Variants in DLGAP1 observed in about 807,000 individuals in gnomAD.
The protein encoded by DLGAP1 is DLG associated protein 1.
A neutral mutation model predicts 90.8 loss-of-function variants in DLGAP1; 11 were observed. The ratio of observed to expected loss-of-function variants is 0.12; its 90% CI spans 0.08 to 0.20. The LOEUF is 0.20. DLGAP1 is among the 10% of genes least tolerant of loss of function. The pLI, the probability that DLGAP1 is intolerant of heterozygous loss-of-function variation, is 1.00. For synonymous variants in DLGAP1, 558 were observed against 540.7 expected, an observed-to-expected ratio of 1.03 and a Z score of -0.44; for missense variants, 1,050 against 1,333.8, an observed-to-expected ratio of 0.79 and a Z score of 3.31.
intron 7 of DLGAP1, among the ~76,000 whole-genome samples, chr18:3,628,376 G>A (rs1391242879): frequency 6.6e-6 from 1 of 150,966 alleles, no homozygotes; most frequent in Non-Finnish European, 1.5e-5. Flanking sequence ...TTTCAGTAGA[G>A]ACGAGGTTTG....
At chr18:4,058,687 A>C (rs1301494204) in intron 2 of DLGAP1, among the ~76,000 whole-genome samples, 1 of 152,188 alleles carries the variant, frequency 6.6e-6, no homozygotes, top group Non-Finnish European at 1.5e-5. Context: ...AAGGCTTTCC[A>C]TGAGTATTCC....
chr18:3,590,780 G>A (rs1408653323), intron 7 of DLGAP1, among the ~76,000 whole-genome samples: 3 of 152,134 alleles, frequency 2.0e-5, no homozygotes, highest in East Asian at 1.9e-4. Flanking sequence ...GCTTGAACCC[G>A]GGAGGTAGAG....
At chr18:3,569,148 C>T (rs759284715) in intron 8 of DLGAP1, among the ~76,000 whole-genome samples, 4 of 151,524 alleles carry the variant, frequency 2.6e-5, no homozygotes, top group Non-Finnish European at 4.4e-5. Flanking sequence ...ATTACAGACG[C>T]GTGCCACCAT....
chr18:4,138,701 C>G (rs6506184), intron 2 of DLGAP1, among the ~76,000 whole-genome samples: 42,327 of 151,812 alleles, frequency 0.28, 7,829 homozygotes, highest in African/African-American at 0.53. Flanking sequence ...AGCAGAGTTT[C>G]AGTAAGATTG....
chr18:3,821,811 T>C (rs1389350226), intron 4 of DLGAP1: 1 of 739,052 alleles, frequency 1.4e-6, no homozygotes, highest in Non-Finnish European at 1.7e-6. Context: ...TTTAGGTTCC[T>C]GCCTACAACT....
intron 1 of DLGAP1, among the ~76,000 whole-genome samples, chr18:4,205,737 T>C (rs2077707766): frequency 6.6e-6 from 1 of 152,238 alleles, no homozygotes; most frequent in Non-Finnish European, 1.5e-5. Context: ...AATAGCCACA[T>C]GTGACTCATG....
chr18:4,214,507 C>G (rs147282932), intron 1 of DLGAP1, among the ~76,000 whole-genome samples: 19 of 152,186 alleles, frequency 1.2e-4, no homozygotes, highest in African/African-American at 4.1e-4. Context: ...AGAAACCCAC[C>G]CTGTTGGAGC....
At chr18:4,395,331 C>T (rs1057515092) in intron 1 of DLGAP1, among the ~76,000 whole-genome samples, 2 of 152,108 alleles carry the variant, frequency 1.3e-5, no homozygotes, top group African/African-American at 2.4e-5. Flanking sequence ...AGGTAAGTAT[C>T]GCTTTTCTCT....
At chr18:3,654,973 A>G (rs2059430649) in intron 7 of DLGAP1, among the ~76,000 whole-genome samples, 1 of 152,102 alleles carries the variant, frequency 6.6e-6, no homozygotes, top group Admixed American at 6.5e-5. Flanking sequence ...AAAGGGATAA[A>G]GCACCCTTAC....
intron 5 of DLGAP1, among the ~76,000 whole-genome samples, chr18:3,801,544 G>C (rs1346523358): frequency 6.6e-6 from 1 of 151,974 alleles, no homozygotes; most frequent in African/African-American, 2.4e-5. Flanking sequence ...CTGTGACCTT[G>C]GAAAGTCAAT....
intron 1 of DLGAP1, among the ~76,000 whole-genome samples, chr18:4,453,432 A>C (rs2083884117): frequency 6.6e-6 from 1 of 152,200 alleles, no homozygotes; most frequent in Admixed American, 6.5e-5. Flanking sequence ...ATTTCCGTTC[A>C]AGTTTTATTC....
chr18:3,952,357 C>T (rs906811814), intron 3 of DLGAP1, among the ~76,000 whole-genome samples: 5 of 152,192 alleles, frequency 3.3e-5, no homozygotes, highest in Non-Finnish European at 5.9e-5. Flanking sequence ...TTGGGACCAA[C>T]CCTATACTCT....
At chr18:4,324,083 T>C (rs953531344) in intron 1 of DLGAP1, among the ~76,000 whole-genome samples, 1 of 151,766 alleles carries the variant, frequency 6.6e-6, no homozygotes. Context: ...ATTCATGAGT[T>C]GGTTCTTTGA....
intron 2 of DLGAP1, among the ~76,000 whole-genome samples, chr18:4,081,669 T>C (rs955225562): frequency 6.6e-6 from 1 of 152,222 alleles, no homozygotes; most frequent in Non-Finnish European, 1.5e-5. Flanking sequence ...TAACTCATAT[T>C]GGAGGAAGAA....
chr18:3,709,237 A>G (rs376470469), intron 7 of DLGAP1, among the ~76,000 whole-genome samples: 3 of 152,084 alleles, frequency 2.0e-5, no homozygotes, highest in Admixed American at 6.6e-5. Context: ...CCTGACATGC[A>G]CTCCAACCCC....
intron 7 of DLGAP1, among the ~76,000 whole-genome samples, chr18:3,628,005 A>G (rs1441401536): frequency 4.0e-5 from 6 of 149,690 alleles, no homozygotes; most frequent in African/African-American, 1.5e-4. Context: ...CAGCCTCCCG[A>G]GTAGCTGGGA....
intron 4 of DLGAP1, among the ~76,000 whole-genome samples, chr18:3,858,373 T>C (rs1183502553): frequency 1.3e-5 from 2 of 152,010 alleles, no homozygotes; most frequent in Non-Finnish European, 2.9e-5. Context: ...TCATGTCCTT[T>C]CAACTTTGTA....
intron 1 of DLGAP1, among the ~76,000 whole-genome samples, chr18:4,413,185 A>T (rs1452435512): frequency 6.6e-6 from 1 of 152,066 alleles, no homozygotes; most frequent in African/African-American, 2.4e-5. Flanking sequence ...GGATGTGGGG[A>T]ATCTAGTATT....
At chr18:3,847,393 G>A (rs769797609) in intron 4 of DLGAP1, among the ~76,000 whole-genome samples, 20 of 151,998 alleles carry the variant, frequency 1.3e-4, no homozygotes, top group African/African-American at 3.1e-4. Flanking sequence ...CACCTGTGCC[G>A]GTGTTTTATC....
Sources: gnomAD v4.1 joint callset for allele counts (sites outside exome capture counted in the v4.1 genomes callset) on GRCh38, gnomAD v4.1.1 for gene constraint, MANE v1.5 for transcripts, NCBI Gene and HGNC (gene_info 2026-07-23, HGNC 2026-07-21) for gene names.